ADCY2: variants seen among roughly 807,000 people sequenced by gnomAD.
The protein encoded by ADCY2 is adenylate cyclase type 2.
ADCY2 carries 31 observed loss-of-function variants against 125.2 expected under a neutral mutation model. That is an observed-to-expected ratio of 0.25 (90% CI 0.19 to 0.33). ADCY2 has a LOEUF of 0.33. Ranked by LOEUF, ADCY2 falls within the 10% of genes least tolerant of loss-of-function variation. The probability of loss-of-function intolerance (pLI) is 1.00; values close to 1 mark genes in which losing one functional copy is unlikely to be tolerated. For synonymous variants in ADCY2, 512 were observed against 548.4 expected (o/e 0.93, Z 0.93); for missense variants, 904 against 1,418.2 (o/e 0.64, Z 5.82).
intron 3 of ADCY2, among the ~76,000 whole-genome samples, chr5:7,532,868 C>CAAT (rs1160337844): frequency 6.6e-6 from 1 of 151,750 alleles, no homozygotes; most frequent in East Asian, 1.9e-4. Flanking sequence ...GCACATATCT[C>CAAT]AATAATAATA....
chr5:7,500,438 A>C (rs34446898), intron 2 of ADCY2, among the ~76,000 whole-genome samples: 26,638 of 152,168 alleles, frequency 0.18, 2,494 homozygotes, highest in African/African-American at 0.2. Context: ...GAACTCTGAC[A>C]AGCATTACAT....
chr5:7,727,452 A>G (rs952488172), intron 14 of ADCY2, among the ~76,000 whole-genome samples, 191 bp downstream of exon 14: 5 of 152,074 alleles, frequency 3.3e-5, no homozygotes, highest in African/African-American at 1.2e-4. Context: ...ATAATGTTGG[A>G]TTTTCAAAGT....
intron 3 of ADCY2, among the ~76,000 whole-genome samples, chr5:7,567,607 GTTAA>G (rs1172343406): frequency 6.6e-6 from 1 of 152,166 alleles, no homozygotes; most frequent in Non-Finnish European, 1.5e-5. Context: ...GTGAGTCTAA[GTTAA>G]TATGGTTGTG....
At chr5:7,613,930 C>T (rs191572113) in intron 3 of ADCY2, among the ~76,000 whole-genome samples, 151 of 152,304 alleles carry the variant, frequency 9.9e-4, no homozygotes, top group Admixed American at 5.5e-3. Flanking sequence ...AAGAATATGC[C>T]TCTTTGAAGA....
intron 15 of ADCY2, among the ~76,000 whole-genome samples, chr5:7,756,665 C>T (rs539116102): frequency 2.6e-5 from 4 of 151,942 alleles, no homozygotes; most frequent in East Asian, 3.9e-4. Context: ...TGGTGGTTGC[C>T]GGGGGCTGGG....
chr5:7,414,634 C>A lies in ADCY2; in HGVS notation c.272C>A (p.Ala91Glu), dbSNP rs780951862. Reference sequence around the variant, plus strand: ...CCAACTGCCCTGGCGATTTTCTTTGCGATATTTATCCTGGTCTGCATCGAG... The same window carrying A: ...CCAACTGCCCTGGCGATTTTCTTTGAGATATTTATCCTGGTCTGCATCGAG... ...TVPTALAIFF[A>E]IFILVCIESV... Residue 91 changes from alanine to glutamate, a missense_variant, in exon 2 of 25, where the codon GCG (alanine) becomes GAG (glutamate). Ala to Glu is a moderately radical substitution (Grantham distance 107, BLOSUM62 -1). Coordinates refer to ENST00000338316, the MANE Select transcript of ADCY2 (RefSeq NM_020546.3). The A allele has an allele frequency of 4.3e-6, 7 of 1,613,276 alleles. No individual in the cohort carries two copies. In the South Asian group the frequency reaches 7.7e-5, roughly 18 times the overall value.
chr5:7,563,796 G>A (rs546173583), intron 3 of ADCY2, among the ~76,000 whole-genome samples: 3 of 152,264 alleles, frequency 2.0e-5, no homozygotes, highest in South Asian at 2.1e-4. Flanking sequence ...TTCTCTTCAT[G>A]TCCTAAGGTT....
intron 7 of ADCY2, among the ~76,000 whole-genome samples, chr5:7,704,856 T>A (rs191729770): frequency 6.7e-6 from 1 of 148,376 alleles, no homozygotes; most frequent in African/African-American, 2.5e-5. Flanking sequence ...CCAACCTGGG[T>A]GACAGAGTGA....
chr5:7,510,857 T>A (rs1214988018), intron 2 of ADCY2, among the ~76,000 whole-genome samples: 1 of 152,232 alleles, frequency 6.6e-6, no homozygotes, highest in Non-Finnish European at 1.5e-5. Context: ...GAACACGATA[T>A]GAAGAGTTGT....
chr5:7,596,356 A>G (rs1364979567), intron 3 of ADCY2, among the ~76,000 whole-genome samples: 2 of 151,802 alleles, frequency 1.3e-5, no homozygotes, highest in Non-Finnish European at 2.9e-5. Flanking sequence ...AAGTATCTCC[A>G]CCGTTTCCTC....
intron 2 of ADCY2, among the ~76,000 whole-genome samples, chr5:7,478,052 T>A (rs758786263): frequency 6.6e-6 from 1 of 152,156 alleles, no homozygotes; most frequent in African/African-American, 2.4e-5. Flanking sequence ...ATATAAAATA[T>A]TGGTTGATAA....
chr5:7,622,005 T>C (rs1200285172), intron 3 of ADCY2, among the ~76,000 whole-genome samples: 2 of 152,128 alleles, frequency 1.3e-5, no homozygotes, highest in Non-Finnish European at 2.9e-5. Flanking sequence ...CTAAGACATC[T>C]CTGGAGGCCA....
At chr5:7,428,657 A>G (rs1740476476) in intron 2 of ADCY2, among the ~76,000 whole-genome samples, 1 of 152,218 alleles carries the variant, frequency 6.6e-6, no homozygotes, top group Non-Finnish European at 1.5e-5. Context: ...TTCATTCCCA[A>G]GTAGATAGTG....
chr5:7,575,791 C>T lies in ADCY2; in HGVS notation c.571-50376C>T, dbSNP rs569980915. 2.6e-5 allele frequency among the ~76,000 whole-genome samples: 4 copies of T among 152,170 alleles called. No homozygotes were observed. In the South Asian group the frequency reaches 6.2e-4, roughly 24 times the overall value. The stretch of plus-strand genomic sequence containing the variant: ...CATCAACCAACCTTAACAAAATGTT[C>T]TAACACCAATGCTAAAAAAAACCCC... On this transcript the variant is annotated intron_variant, in intron 3 of 24. Transcript: ENST00000338316.
rs563757596 is a variant in ADCY2, at chr5:7,780,865, C to T, written c.2385-3500C>T. Among the ~76,000 whole-genome samples the T allele has an allele frequency of 9.2e-5, 14 of 152,238 alleles. No homozygotes were observed. In the East Asian group the frequency reaches 1.5e-3, roughly 17 times the overall value. On this transcript the variant is annotated intron_variant, in intron 18 of 24. Coordinates refer to ENST00000338316, the MANE Select transcript of ADCY2 (RefSeq NM_020546.3). Reference sequence around the variant, plus strand: ...AATTCCTCCATCTCCCTCACCAGTACGTTGGGGTGTGGTGTTCTTTTGGAC... The same window carrying T: ...AATTCCTCCATCTCCCTCACCAGTATGTTGGGGTGTGGTGTTCTTTTGGAC...
At chr5:7,721,902 A>G (rs1741773084) in intron 12 of ADCY2, among the ~76,000 whole-genome samples, 1 of 152,230 alleles carries the variant, frequency 6.6e-6, no homozygotes, top group Non-Finnish European at 1.5e-5. Flanking sequence ...CTATCCATCA[A>G]AAATGCATCT....
chr5:7,453,676 C>G (rs939362063), intron 2 of ADCY2, among the ~76,000 whole-genome samples: 1 of 152,124 alleles, frequency 6.6e-6, no homozygotes, highest in African/African-American at 2.4e-5. Context: ...CACGGTTTGA[C>G]TTTTCGACTT....
In ADCY2 at chr5:7,593,287, T is replaced by C. The variant is rs954358107; in HGVS notation, c.571-32880T>C. On this transcript the variant is annotated intron_variant, in intron 3 of 24. Coordinates refer to ENST00000338316, the MANE Select transcript of ADCY2 (RefSeq NM_020546.3). ...CCCACACACAACCCACGCACAAAAGTACCTCTATATTATTTCAGTGTAAAG... is the reference window on the plus strand; with the variant it reads ...CCCACACACAACCCACGCACAAAAGCACCTCTATATTATTTCAGTGTAAAG... 2.8e-4 allele frequency among the ~76,000 whole-genome samples: 43 copies of C among 152,320 alleles called. 1 individual carries two copies. The highest frequency in any genetic ancestry group is 9.6e-4 in the African/African-American group (40 of 41,572).
intron 3 of ADCY2, among the ~76,000 whole-genome samples, chr5:7,532,340 G>GA (rs1734676478): frequency 2.0e-5 from 3 of 152,178 alleles, no homozygotes; most frequent in Non-Finnish European, 4.4e-5. Flanking sequence ...AGCCACTTGT[G>GA]AGTTCTCTCA....
Sources: gnomAD v4.1 joint callset for allele counts (sites outside exome capture counted in the v4.1 genomes callset) on GRCh38, gnomAD v4.1.1 for gene constraint, MANE v1.5 for transcripts, NCBI Gene and HGNC (gene_info 2026-07-23, HGNC 2026-07-21) for gene names.